Variants in ABCC4 observed in about 807,000 individuals in gnomAD.
ABCC4 encodes the protein ATP binding cassette subfamily C member 4 (PEL blood group).
ABCC4 carries 102 observed loss-of-function variants against 168.5 expected under a neutral mutation model. The ratio of observed to expected loss-of-function variants is 0.61; its 90% CI spans 0.52 to 0.71. ABCC4 has a LOEUF of 0.71. Ranked by LOEUF, ABCC4 falls within the 30% of genes least tolerant of loss-of-function variation. The probability of loss-of-function intolerance (pLI) is 0.00; values close to 1 mark genes in which losing one functional copy is unlikely to be tolerated. For synonymous variants in ABCC4, 617 were observed against 590.7 expected (o/e 1.04, Z -0.65); for missense variants, 1,402 against 1,605.8 (o/e 0.87, Z 2.17).
intron 13 of ABCC4, among the ~76,000 whole-genome samples, chr13:95,176,471 G>C (rs2037706281): frequency 6.6e-6 from 1 of 152,016 alleles, no homozygotes; most frequent in African/African-American, 2.4e-5. Flanking sequence ...CTCCAGCCTG[G>C]GCAACAGAGC....
Position 95,116,097 on chromosome 13 carries a change from T to C in ABCC4, c.2456-96A>G, listed in dbSNP as rs2035370074. 3.5e-6 allele frequency: 3 copies of C among 848,120 alleles called. No homozygotes were observed. The South Asian group carries it at 5.4e-5, about 15-fold the overall frequency. 52.5% of individuals were successfully genotyped at this position (848,120 alleles called of 1,614,324 possible). A position where few individuals can be genotyped will look rare whatever the true frequency, so the allele number is the denominator to read the frequency against. ...AAATCAAAACAATATTTTAAATGCA[T>C]ATGTATTTAATATATTATTCATATG... On this transcript the variant is annotated intron_variant, in intron 19 of 30. Coordinates refer to ENST00000645237, the MANE Select transcript of ABCC4 (RefSeq NM_005845.5).
chr13:95,162,189 T>C (rs969081810), intron 18 of ABCC4, among the ~76,000 whole-genome samples: 2 of 152,168 alleles, frequency 1.3e-5, no homozygotes, highest in Non-Finnish European at 2.9e-5. Context: ...TACACGAACA[T>C]AATAGAACAT....
At chr13:95,085,976 C>T (rs2034243119) in intron 20 of ABCC4, among the ~76,000 whole-genome samples, 1 of 151,488 alleles carries the variant, frequency 6.6e-6, no homozygotes, top group Non-Finnish European at 1.5e-5. Flanking sequence ...CTCTTAATCA[C>T]TGCAAGATAC....
chr13:95,251,180 C>T (rs868051192), intron 1 of ABCC4, among the ~76,000 whole-genome samples: 3 of 152,254 alleles, frequency 2.0e-5, no homozygotes, highest in Middle Eastern at 3.4e-3. Flanking sequence ...TTTCTATGAG[C>T]TTCATGTTCC....
chr13:95,135,120 G>A (rs2036102873), intron 19 of ABCC4, among the ~76,000 whole-genome samples: 1 of 152,160 alleles, frequency 6.6e-6, no homozygotes, highest in Non-Finnish European at 1.5e-5. Context: ...CCTTGATGGT[G>A]GGTAGGAGAG....
intron 3 of ABCC4, among the ~76,000 whole-genome samples, chr13:95,244,670 A>AAGGAAATCAATC (rs1555336347): frequency 1.9e-5 from 2 of 106,358 alleles, no homozygotes; most frequent in Non-Finnish European, 4.1e-5. Context: ...AGAAAGAAAG[A>AAGGAAATCAATC]AATCATAGCA....
intron 4 of ABCC4, among the ~76,000 whole-genome samples, chr13:95,211,590 G>A (rs2038958378): frequency 2.0e-5 from 3 of 152,140 alleles, no homozygotes; most frequent in Admixed American, 2.0e-4. Flanking sequence ...AAGCGGGGCT[G>A]AAACAGGTGA....
intron 20 of ABCC4, among the ~76,000 whole-genome samples, chr13:95,112,999 T>C (rs778857570): frequency 2.0e-5 from 3 of 152,202 alleles, no homozygotes; most frequent in South Asian, 2.1e-4. Flanking sequence ...TGTAGAAGAA[T>C]TGATGCGGTA....
intron 19 of ABCC4, among the ~76,000 whole-genome samples, chr13:95,143,918 C>T (rs2036401970): frequency 6.6e-6 from 1 of 152,086 alleles, no homozygotes. Flanking sequence ...AATGCTAAAT[C>T]CTTCTGAAAA....
chr13:95,122,072 A>C (rs73559636), intron 19 of ABCC4, among the ~76,000 whole-genome samples: 3,829 of 152,274 alleles, frequency 0.025, 175 homozygotes, highest in African/African-American at 0.087. Context: ...AGGAATGAGA[A>C]ACCCCACTCT....
At chr13:95,051,998 T>A (rs1160960054) in intron 27 of ABCC4, among the ~76,000 whole-genome samples, 3 of 151,430 alleles carry the variant, frequency 2.0e-5, no homozygotes, top group Admixed American at 2.0e-4. Flanking sequence ...TTATTTATTT[T>A]GAGACGGAGT....
intron 1 of ABCC4, among the ~76,000 whole-genome samples, chr13:95,269,763 C>T (rs1335158151): frequency 6.6e-6 from 1 of 152,014 alleles, no homozygotes; most frequent in Non-Finnish European, 1.5e-5. Flanking sequence ...TATATATAAT[C>T]GTATACTGAC....
chr13:95,167,993 AG>A (rs2037341394), intron 14 of ABCC4, among the ~76,000 whole-genome samples: 1 of 152,092 alleles, frequency 6.6e-6, no homozygotes, highest in African/African-American at 2.4e-5. Flanking sequence ...CAGGCTCCTG[AG>A]TAGCTGGGAT....
chr13:95,048,029 G>A (rs938883783), intron 27 of ABCC4, among the ~76,000 whole-genome samples: 1 of 152,072 alleles, frequency 6.6e-6, no homozygotes, highest in African/African-American at 2.4e-5. Context: ...AAGTCACAAG[G>A]ATACCTCATT....
At chr13:95,043,826 C>T (rs747636728) in intron 28 of ABCC4, 39 bp from the exon 29 acceptor site, 5 of 1,450,940 alleles carry the variant, frequency 3.4e-6, no homozygotes, top group Non-Finnish European at 4.8e-6. Flanking sequence ...CGTAAAGATG[C>T]AAAAAGTAGA....
chr13:95,242,505 C>T (rs966548976), intron 3 of ABCC4, among the ~76,000 whole-genome samples: 1 of 151,940 alleles, frequency 6.6e-6, no homozygotes, highest in East Asian at 1.9e-4. Context: ...GGATTACAGG[C>T]GTGAGCCACT....
chr13:95,166,839 A>G (rs1194553818), intron 14 of ABCC4, among the ~76,000 whole-genome samples: 1 of 152,164 alleles, frequency 6.6e-6, no homozygotes, highest in African/African-American at 2.4e-5. Flanking sequence ...GGCGTGTGGG[A>G]ACCAGACTTG....
intron 4 of ABCC4, among the ~76,000 whole-genome samples, chr13:95,233,294 T>C (rs963610194): frequency 2.1e-5 from 3 of 143,858 alleles, no homozygotes; most frequent in Non-Finnish European, 4.5e-5. Flanking sequence ...ACCAAGATGA[T>C]TTAAAGTACA....
intron 1 of ABCC4, among the ~76,000 whole-genome samples, chr13:95,275,749 CA>C (rs61446542): frequency 2.1e-5 from 3 of 141,704 alleles, no homozygotes; most frequent in Admixed American, 7.1e-5. Context: ...GTTTCTGTCT[CA>C]AAAAAAAAAA....
Sources: allele counts gnomAD v4.1 joint callset (sites outside exome capture counted in the v4.1 genomes callset), GRCh38; gene constraint gnomAD v4.1.1; transcripts MANE v1.5; gene names NCBI Gene and HGNC (gene_info 2026-07-23, HGNC 2026-07-21).